Variants in DNAJC16 observed in about 807,000 individuals in gnomAD.
The protein encoded by DNAJC16 is DnaJ heat shock protein family (Hsp40) member C16, also known as dnaJ homolog subfamily C member 16.
Under a neutral mutation model 92.7 loss-of-function variants are expected in DNAJC16, and 76 were observed. The ratio of observed to expected loss-of-function variants is 0.82; its 90% CI spans 0.68 to 0.99. The LOEUF is 0.99. Among genes scored for constraint, DNAJC16 ranks in the 50% least tolerant of loss-of-function variants. DNAJC16 has a pLI of 0.00. For missense variants in DNAJC16, 869 were observed against 942.4 expected (o/e 0.92, Z 1.02); for synonymous variants, 328 against 358.7 (o/e 0.91, Z 0.97).
chr1:15,558,332 C>G (rs1264204888), intron 7 of DNAJC16, among the ~76,000 whole-genome samples: 1 of 151,972 alleles, frequency 6.6e-6, no homozygotes, highest in Non-Finnish European at 1.5e-5. Flanking sequence ...CAGGCATGCA[C>G]CACCATCATG....
At chr1:15,534,207 T>C in intron 2 of DNAJC16, 30 bp from the exon 3 acceptor site, 1 of 1,613,270 alleles carries the variant, frequency 6.2e-7, no homozygotes, top group Non-Finnish European at 8.5e-7. Context: ...AGTTACATCC[T>C]TTCTCACCGC....
chr1:15,551,770 G>C (rs960189144), intron 7 of DNAJC16, among the ~76,000 whole-genome samples: 3 of 151,858 alleles, frequency 2.0e-5, no homozygotes, highest in Non-Finnish European at 2.9e-5. Context: ...TGCACCACTG[G>C]CTAATTTTTT....
At chr1:15,539,273 GCT>G (rs1220757576) in intron 4 of DNAJC16, among the ~76,000 whole-genome samples, 2 of 150,834 alleles carry the variant, frequency 1.3e-5, no homozygotes, top group Admixed American at 1.3e-4. Flanking sequence ...TGAGACGGAG[GCT>G]CTCTCTGTCG....
rs145774988 is a variant in DNAJC16 at position 15,568,704 on chromosome 1, C to T, written c.*527C>T. ...CCCTTTCCAAGCAATCTCACGTTTA[C>T]TGGTTGTTCTGGGAGTAAGTGGCTA... On this transcript the variant is annotated 3_prime_UTR_variant, in exon 15 of 15. Transcript: ENST00000375847. The T allele has an allele frequency of 4.8e-5, 19 of 399,106 alleles. No individual in the cohort carries two copies. The highest frequency in any genetic ancestry group is 3.5e-4 in the African/African-American group (17 of 48,770). The allele number at this position is 399,106 out of a possible 1,614,324, so 24.7% of individuals were successfully genotyped here.
At position 15,565,999 on chromosome 1, in the gene DNAJC16, G is replaced by A; in HGVS notation, c.1679G>A (p.Ser560Asn). The change falls in exon 12 of 15, where the codon AGC (serine) becomes AAC (asparagine). Residue 560 changes from serine (S) to asparagine (N), a missense_variant and splice_region_variant. Ser to Asn is a conservative substitution (Grantham distance 46). Transcript: ENST00000375847. Reference protein sequence around the residue: ...LFGTVIVQAFSDSNDERESSP... With the variant: ...LFGTVIVQAFNDSNDERESSP... ...GGCACTGTCATCGTTCAGGCTTTCA[G>A]GTAAATGTCCTGTGGCTTCTCGGTG... The A allele has an allele frequency of 6.2e-7, 1 of 1,613,820 alleles. No homozygotes were observed. The highest frequency in any genetic ancestry group is 8.5e-7 in the Non-Finnish European group (1 of 1,179,988).
At chr1:15,545,899 C>T (rs1324769040) in intron 5 of DNAJC16, among the ~76,000 whole-genome samples, 2 of 152,104 alleles carry the variant, frequency 1.3e-5, no homozygotes, top group African/African-American at 2.4e-5. Flanking sequence ...TAATTTCTCT[C>T]AGGAATATTT....
chr1:15,565,986 G>T lies in DNAJC16; in HGVS notation c.1666G>T (p.Val556Phe), dbSNP rs149464503. 2.5e-5 allele frequency: 40 copies of T among 1,613,504 alleles called. No individual in the cohort carries two copies. The African/African-American group carries it at 3.9e-4, about 16-fold the overall frequency. ...CTTCATCCTCTTCGGCACTGTCATC[G>T]TTCAGGCTTTCAGGTAAATGTCCTG... is the stretch of plus-strand genomic sequence containing the variant. ...ALFILFGTVI[V>F]QAFSDSNDER... The change falls in exon 12 of 15, where the codon GTT (valine) becomes TTT (phenylalanine). Residue 556 changes from valine (V) to phenylalanine (F), a missense_variant. Transcript: ENST00000375847.
At chr1:15,540,695 C>T (rs1710912881) in intron 4 of DNAJC16, among the ~76,000 whole-genome samples, 1 of 152,134 alleles carries the variant, frequency 6.6e-6, no homozygotes, top group Admixed American at 6.5e-5. Context: ...CCTCAGCCTC[C>T]CAAAGCACTG....
rs748448804 is a variant in DNAJC16 at position 15,562,321 on chromosome 1, C to CAG, written c.1335_1336dup (p.Ala446GlufsTer6). ...GACAGTGAGGCGTTTCAAGGGAAAT[C>CAG]AGCGGTAAGCCACAGAGTCTCTCCT... On this transcript the variant is annotated frameshift_variant, in exon 9 of 15. Coordinates refer to ENST00000375847, the MANE Select transcript of DNAJC16 (RefSeq NM_015291.4). LOFTEE classifies it high-confidence loss of function. The CAG allele has an allele frequency of 6.2e-7, 1 of 1,612,462 alleles. No homozygotes were observed. Among genetic ancestry groups the CAG allele is most frequent in the Admixed American group, 1.7e-5 (1 of 59,958 alleles).
At position 15,564,094 on chromosome 1, in the gene DNAJC16, A is replaced by G; in HGVS notation, c.1504A>G (p.Thr502Ala). 6.2e-7 allele frequency: 1 copy of G among 1,613,970 alleles called. No homozygotes were observed. Among genetic ancestry groups the G allele is most frequent in the Non-Finnish European group, 8.5e-7 (1 of 1,179,960 alleles). ...LSSEAVLPDL[T>A]DELAPVFLLR... ...CTCTGAAGCAGTGCTTCCTGACCTG[A>G]CCGATGAACTTGCCCCTGTGAGCAT... Residue 502 changes from threonine to alanine, a missense_variant, in exon 10 of 15, where the codon ACC becomes GCC. By Grantham distance (58) the Thr-to-Ala change is moderately conservative. Coordinates refer to ENST00000375847, the MANE Select transcript of DNAJC16 (RefSeq NM_015291.4).
chr1:15,558,747 C>T (rs1332680049), intron 7 of DNAJC16, among the ~76,000 whole-genome samples: 2 of 152,140 alleles, frequency 1.3e-5, no homozygotes, highest in African/African-American at 4.8e-5. Flanking sequence ...TGATTTCAAT[C>T]CTTTGAAATG....
chr1:15,551,598 GTGGT>G (rs1384944631), intron 7 of DNAJC16, among the ~76,000 whole-genome samples: 1 of 97,642 alleles, frequency 1.0e-5, no homozygotes, highest in African/African-American at 5.6e-5. Flanking sequence ...TCAAAGTGAT[GTGGT>G]TTTTTTTTTT....
intron 1 of DNAJC16, among the ~76,000 whole-genome samples, chr1:15,528,068 C>A (rs1710561776): frequency 6.6e-6 from 1 of 152,202 alleles, no homozygotes; most frequent in Admixed American, 6.5e-5. Context: ...TTGGTCTTTG[C>A]CGTTAATTCT....
At chr1:15,559,181 A>G (rs1323704933) in intron 7 of DNAJC16, among the ~76,000 whole-genome samples, 1 of 152,018 alleles carries the variant, frequency 6.6e-6, no homozygotes, top group African/African-American at 2.4e-5. Flanking sequence ...CTCGTGATCT[A>G]CCCACCTCAG....
At chr1:15,534,362 T>A in intron 3 of DNAJC16, 59 bp downstream of exon 3, 1 of 1,557,454 alleles carries the variant, frequency 6.4e-7, no homozygotes, top group Non-Finnish European at 8.8e-7. Context: ...CCTTAGGAGG[T>A]GATGAGTTTT....
rs1179541799 is a variant in DNAJC16, at chr1:15,570,230, C to G, written c.*2053C>G. 2.6e-5 allele frequency: 4 copies of G among 152,146 alleles called. No homozygotes were observed. Among genetic ancestry groups the G allele is most frequent in the African/African-American group, 4.8e-5 (2 of 41,420 alleles). The allele number at this position is 152,146 out of a possible 1,614,324, so 9.4% of individuals were successfully genotyped here. A position where few individuals can be genotyped will look rare whatever the true frequency, so the allele number is the denominator to read the frequency against. The stretch of plus-strand genomic sequence containing the variant: ...CATTTGGCTCCTTGATACATCAGTC[C>G]TCAATATTACTTTCTAGGTATTTTA... On this transcript the variant is annotated 3_prime_UTR_variant, in exon 15 of 15. Coordinates refer to ENST00000375847, the MANE Select transcript of DNAJC16 (RefSeq NM_015291.4).
intron 9 of DNAJC16, among the ~76,000 whole-genome samples, chr1:15,563,111 A>C (rs575612230): frequency 6.6e-6 from 1 of 152,100 alleles, no homozygotes; most frequent in South Asian, 2.1e-4. Context: ...TCATTTTCGC[A>C]ATCATGGAAA....
intron 8 of DNAJC16, among the ~76,000 whole-genome samples, chr1:15,561,266 ATAGC>A (rs1638685336): frequency 6.6e-6 from 1 of 152,208 alleles, no homozygotes; most frequent in African/African-American, 2.4e-5. Context: ...GGGAGAATGA[ATAGC>A]TAAACTTTCC....
At chr1:15,534,459 C>T (rs922273190) in intron 3 of DNAJC16, among the ~76,000 whole-genome samples, 156 bp downstream of exon 3, 3 of 152,206 alleles carry the variant, frequency 2.0e-5, no homozygotes, top group Non-Finnish European at 4.4e-5. Context: ...TGCGGTGGCT[C>T]ATGCCTGTAA....
Sources: gnomAD v4.1 joint callset for allele counts (sites outside exome capture counted in the v4.1 genomes callset) on GRCh38, gnomAD v4.1.1 for gene constraint, MANE v1.5 for transcripts, NCBI Gene and HGNC (gene_info 2026-07-23, HGNC 2026-07-21) for gene names.